ANKS1B: variants seen among roughly 807,000 people sequenced by gnomAD.
ANKS1B encodes the protein ankyrin repeat and sterile alpha motif domain-containing protein 1B.
In ANKS1B, 36 loss-of-function variants were observed where a neutral mutation model predicts 148.3. The ratio of observed to expected loss-of-function variants is 0.24; its 90% CI spans 0.19 to 0.32. ANKS1B has a LOEUF of 0.32. ANKS1B is among the 10% of genes least tolerant of loss of function. The probability of loss-of-function intolerance (pLI) is 1.00; values close to 1 mark genes in which losing one functional copy is unlikely to be tolerated. For missense variants in ANKS1B, 1,157 were observed against 1,542.6 expected, an observed-to-expected ratio of 0.75 and a Z score of 4.19; for synonymous variants, 542 against 560.8, an observed-to-expected ratio of 0.97 and a Z score of 0.47.
chr12:99,979,636 G>A (rs1334477905), intron 1 of ANKS1B, among the ~76,000 whole-genome samples: 1 of 152,030 alleles, frequency 6.6e-6, no homozygotes, highest in African/African-American at 2.4e-5. Flanking sequence ...GCCAATACTA[G>A]GAATTACCAA....
chr12:99,259,105 C>T (rs926197238), intron 12 of ANKS1B, among the ~76,000 whole-genome samples: 2 of 152,080 alleles, frequency 1.3e-5, no homozygotes, highest in African/African-American at 4.8e-5. Flanking sequence ...GGCTTTTTTC[C>T]GATACATCAC....
At position 99,738,978 on chromosome 12, in the gene ANKS1B, CTG is replaced by C. The variant is rs1017648853; in HGVS notation, c.1128+33942_1128+33943del. Among the ~76,000 whole-genome samples, 50 of 152,174 alleles carry C rather than the reference CTG, an allele frequency of 3.3e-4. 1 individual carries two copies. Among genetic ancestry groups the C allele is most frequent in the African/African-American group, 1.2e-3 (50 of 41,522 alleles). ...AGGGCATATACTAATACTAAGTACT[CTG>C]TGGAATATTAAGTCCTCTAGTGGAA... is the stretch of plus-strand genomic sequence containing the variant. On this transcript the variant is annotated intron_variant, in intron 8 of 26. Transcript: ENST00000683438.
chr12:99,525,364 C>A (rs897863432), intron 9 of ANKS1B, among the ~76,000 whole-genome samples: 1 of 152,038 alleles, frequency 6.6e-6, no homozygotes, highest in Non-Finnish European at 1.5e-5. Flanking sequence ...TAGTTCTTGA[C>A]AAGTAAGCCT....
At chr12:99,598,338 C>T (rs1043168302) in intron 9 of ANKS1B, among the ~76,000 whole-genome samples, 7 of 151,958 alleles carry the variant, frequency 4.6e-5, no homozygotes, top group South Asian at 2.1e-4. Flanking sequence ...AATACAGTAC[C>T]GTAAAAGCAG....
intron 17 of ANKS1B, among the ~76,000 whole-genome samples, chr12:98,966,199 C>T (rs2099877701): frequency 6.6e-6 from 1 of 152,032 alleles, no homozygotes; most frequent in African/African-American, 2.4e-5. Flanking sequence ...AACAAACTTA[C>T]AAGAAAAAAA....
chr12:99,790,525 A>G (rs1329838928), intron 4 of ANKS1B, among the ~76,000 whole-genome samples: 1 of 152,182 alleles, frequency 6.6e-6, no homozygotes, highest in African/African-American at 2.4e-5. Context: ...CTAAACAATG[A>G]ACCAAAAAAT....
At chr12:99,835,451 T>C (rs1425541538) in intron 1 of ANKS1B, among the ~76,000 whole-genome samples, 2 of 151,700 alleles carry the variant, frequency 1.3e-5, no homozygotes, top group Admixed American at 6.6e-5. Flanking sequence ...GAAAAAAATA[T>C]ATAATGTGAG....
chr12:99,317,083 A>C (rs555724512), intron 12 of ANKS1B, among the ~76,000 whole-genome samples: 2 of 152,034 alleles, frequency 1.3e-5, no homozygotes, highest in South Asian at 4.1e-4. Context: ...TTGTAGTATA[A>C]TTTGAAGTCA....
chr12:99,562,851 A>G (rs11109918), intron 9 of ANKS1B, among the ~76,000 whole-genome samples: 3,342 of 152,310 alleles, frequency 0.022, 117 homozygotes, highest in South Asian at 0.065. Context: ...GGGTGGGGAC[A>G]CAGAGCCAGA....
intron 14 of ANKS1B, among the ~76,000 whole-genome samples, chr12:99,169,082 C>T (rs2077488361): frequency 6.6e-6 from 1 of 152,024 alleles, no homozygotes; most frequent in Non-Finnish European, 1.5e-5. Flanking sequence ...TCACTGATTT[C>T]TTCAATAAAT....
chr12:99,047,190 A>C (rs2099963059), intron 17 of ANKS1B, among the ~76,000 whole-genome samples: 1 of 152,200 alleles, frequency 6.6e-6, no homozygotes, highest in Non-Finnish European at 1.5e-5. Context: ...ACTTGAGGTC[A>C]GGAGTTCAAG....
At chr12:98,745,971 T>C in intron 26 of ANKS1B, 122 bp from the exon 27 acceptor site, 1 of 1,039,082 alleles carries the variant, frequency 9.6e-7, no homozygotes, top group Non-Finnish European at 1.3e-6. Flanking sequence ...GCGATGCTGG[T>C]CTAGGCGGCT....
At chr12:99,015,903 T>G (rs935493450) in intron 17 of ANKS1B, among the ~76,000 whole-genome samples, 14 of 152,082 alleles carry the variant, frequency 9.2e-5, no homozygotes, top group African/African-American at 3.4e-4. Flanking sequence ...AAACACAGCT[T>G]CAAGTTTGTA....
chr12:99,191,148 A>C (rs1342360613), intron 14 of ANKS1B, among the ~76,000 whole-genome samples: 1 of 152,210 alleles, frequency 6.6e-6, no homozygotes, highest in Non-Finnish European at 1.5e-5. Flanking sequence ...ACAGTGAGAT[A>C]TTATCTCATG....
intron 17 of ANKS1B, among the ~76,000 whole-genome samples, chr12:99,041,870 G>A (rs539790442): frequency 6.6e-6 from 1 of 151,912 alleles, no homozygotes; most frequent in African/African-American, 2.4e-5. Context: ...AGGTGTGGTG[G>A]TGTGCGCCTA....
chr12:98,887,421 G>A (rs1056115491), intron 17 of ANKS1B, among the ~76,000 whole-genome samples: 1 of 152,020 alleles, frequency 6.6e-6, no homozygotes, highest in Non-Finnish European at 1.5e-5. Context: ...TTTTCTTAAA[G>A]AGGGCCCCCA....
At chr12:99,744,057 G>A (rs2060360884) in intron 8 of ANKS1B, among the ~76,000 whole-genome samples, 2 of 152,076 alleles carry the variant, frequency 1.3e-5, no homozygotes, top group South Asian at 2.1e-4. Flanking sequence ...GTCAACTAAG[G>A]AACTTGAGCA....
intron 9 of ANKS1B, among the ~76,000 whole-genome samples, chr12:99,586,828 T>A (rs889579962): frequency 7.2e-5 from 11 of 152,074 alleles, no homozygotes; most frequent in Admixed American, 5.2e-4. Flanking sequence ...TATAAAACCA[T>A]CAGATCTCCT....
chr12:99,642,295 C>T (rs916643124), intron 9 of ANKS1B, among the ~76,000 whole-genome samples: 1 of 152,178 alleles, frequency 6.6e-6, no homozygotes, highest in Admixed American at 6.5e-5. Flanking sequence ...AGACTACAGG[C>T]ATATTCTCCT....
Sources: gnomAD v4.1 joint callset for allele counts (sites outside exome capture counted in the v4.1 genomes callset) on GRCh38, gnomAD v4.1.1 for gene constraint, MANE v1.5 for transcripts, NCBI Gene and HGNC (gene_info 2026-07-23, HGNC 2026-07-21) for gene names.